The following GLRA2 variants were observed in gnomAD, a reference collection of about 807,000 sequenced individuals.
GLRA2 encodes glycine receptor subunit alpha-2.
A neutral mutation model predicts 31.6 loss-of-function variants in GLRA2; 11 were observed. The ratio of observed to expected loss-of-function variants is 0.35; its 90% CI spans 0.22 to 0.58. GLRA2 has a LOEUF of 0.58. Ranked by LOEUF, GLRA2 falls within the 20% of genes least tolerant of loss-of-function variation. The pLI, the probability that GLRA2 is intolerant of heterozygous loss-of-function variation, is 0.84. For synonymous variants in GLRA2, 132 were observed against 134.0 expected (o/e 0.99, Z 0.10); for missense variants, 212 against 351.8 (o/e 0.60, Z 3.18).
intron 7 of GLRA2, among the ~76,000 whole-genome samples, chrX:14,622,311 T>G (rs1457103150): frequency 8.9e-6 from 1 of 111,875 alleles, no homozygotes; most frequent in African/African-American, 3.2e-5. Context: ...ATTCTGTAGG[T>G]TTCCTGTTCA....
the GLRA2 span, among the ~76,000 whole-genome samples, chrX:14,483,987 C>T: frequency 2.7e-5 from 3 of 111,528 alleles, no homozygotes; most frequent in Non-Finnish European, 5.6e-5. Context: ...GAACATCAGA[C>T]TCCAAGTTCT....
At chrX:14,721,618 T>G (rs1357691865) in intron 8 of GLRA2, among the ~76,000 whole-genome samples, 1 of 111,449 alleles carries the variant, frequency 9.0e-6, no homozygotes, top group East Asian at 2.8e-4. Context: ...GCTTTAGATA[T>G]TTCTCAGGTT....
rs187701141 is a variant in GLRA2 at position 14,648,392 on chromosome X, G to A, written c.930+39187G>A. Among the ~76,000 whole-genome samples, 4 of 111,895 alleles carry A rather than the reference G, an allele frequency of 3.6e-5. No individual in the cohort carries two copies. The East Asian group carries it at 1.1e-3, about 31-fold the overall frequency. ...TTGAAATAAATCTTGAATAAACATA[G>A]ATCTAAATAAAGTAGCTAAAATTAT... On this transcript the variant is annotated intron_variant, in intron 7 of 8. Transcript: ENST00000218075.
At chrX:14,681,910 A>AAATATAT (rs758563376) in intron 7 of GLRA2, among the ~76,000 whole-genome samples, 20 of 41,278 alleles carry the variant, frequency 4.8e-4, no homozygotes, top group African/African-American at 2.3e-3. Flanking sequence ...AAAAAAAAAA[A>AAATATAT]ATATATATAT....
chrX:14,478,563 C>A, the GLRA2 span, among the ~76,000 whole-genome samples: 1 of 112,107 alleles, frequency 8.9e-6, no homozygotes, highest in South Asian at 3.7e-4. Flanking sequence ...TTCTAGTCAT[C>A]TGACAAGTGT....
chrX:14,582,072 T>TC (rs1217624813), intron 4 of GLRA2, among the ~76,000 whole-genome samples: 4 of 57,915 alleles, frequency 6.9e-5, no homozygotes, highest in African/African-American at 3.8e-4. Flanking sequence ...TTTTTTTCCA[T>TC]ATTTTTTTAT....
intron 7 of GLRA2, among the ~76,000 whole-genome samples, chrX:14,615,189 C>T (rs375482566): frequency 6.3e-5 from 7 of 111,751 alleles, no homozygotes; most frequent in African/African-American, 2.3e-4. Flanking sequence ...GTGTACCCAC[C>T]CCTCAGCACA....
chrX:14,451,380 C>G, the GLRA2 span, among the ~76,000 whole-genome samples: 2 of 110,786 alleles, frequency 1.8e-5, no homozygotes, highest in Admixed American at 1.9e-4. Flanking sequence ...TCTGTAATCT[C>G]ACCACTTTGG....
chrX:14,693,276 GTGGATAAAGA>G (rs2091390941), intron 8 of GLRA2, among the ~76,000 whole-genome samples: 1 of 112,012 alleles, frequency 8.9e-6, no homozygotes, highest in Non-Finnish European at 1.9e-5. Flanking sequence ...CAAAGTAACT[GTGGATAAAGA>G]TATCTCATGC....
At chrX:14,617,206 A>G in intron 7 of GLRA2, among the ~76,000 whole-genome samples, 1 of 111,176 alleles carries the variant, frequency 9.0e-6, no homozygotes, top group East Asian at 2.9e-4. Flanking sequence ...TTTCACTAAA[A>G]TGGGTAACTA....
the GLRA2 span, among the ~76,000 whole-genome samples, chrX:14,486,989 CAG>C: frequency 9.0e-6 from 1 of 110,649 alleles, no homozygotes. Context: ...AGGGATCAGA[CAG>C]AGACACTTGA....
At chrX:14,700,954 G>A (rs1320996627) in intron 8 of GLRA2, among the ~76,000 whole-genome samples, 1 of 110,046 alleles carries the variant, frequency 9.1e-6, no homozygotes, top group Non-Finnish European at 1.9e-5. Context: ...CCAGTAGAAG[G>A]TATTCCTTCT....
chrX:14,575,105 C>T (rs766051020), intron 3 of GLRA2, among the ~76,000 whole-genome samples: 1 of 110,204 alleles, frequency 9.1e-6, no homozygotes, highest in South Asian at 3.8e-4. Context: ...AAAAAAACCC[C>T]TAAACTTAAA....
At chrX:14,537,263 CA>C (rs2089338412) in intron 2 of GLRA2, among the ~76,000 whole-genome samples, 2 of 111,569 alleles carry the variant, frequency 1.8e-5, no homozygotes, top group African/African-American at 3.2e-5. Flanking sequence ...AAAAGATACA[CA>C]AAAGAGTGGA....
intron 2 of GLRA2, among the ~76,000 whole-genome samples, chrX:14,562,930 T>C (rs1317657026): frequency 9.0e-6 from 1 of 111,720 alleles, no homozygotes; most frequent in Non-Finnish European, 1.9e-5. Context: ...TAACTCAGGA[T>C]GGAAAGGCAG....
chrX:14,548,472 G>C (rs1055593827), intron 2 of GLRA2, among the ~76,000 whole-genome samples: 1 of 111,411 alleles, frequency 9.0e-6, no homozygotes, highest in African/African-American at 3.3e-5. Flanking sequence ...CATGTATCAC[G>C]CATTTATTAT....
At chrX:14,463,308 G>T in the GLRA2 span, among the ~76,000 whole-genome samples, 4 of 111,629 alleles carry the variant, frequency 3.6e-5, no homozygotes, top group Admixed American at 1.9e-4. Context: ...ACGGGGTCAG[G>T]GACCCACTTG....
In GLRA2 at chrX:14,689,726, T is replaced by C. The variant is rs187893592; in HGVS notation, c.931-984T>C. ...AATATAGGAAACTCTATTTAAAAATTAGAACTGAATAGTACACATTCAGAT... is the reference window on the plus strand; with the variant it reads ...AATATAGGAAACTCTATTTAAAAATCAGAACTGAATAGTACACATTCAGAT... On this transcript the variant is annotated intron_variant, in intron 7 of 8. Coordinates refer to ENST00000218075, the MANE Select transcript of GLRA2 (RefSeq NM_002063.4). Among the ~76,000 whole-genome samples, 13 of 112,077 alleles carry C rather than the reference T, an allele frequency of 1.2e-4. No individual in the cohort carries two copies. In the East Asian group the frequency reaches 3.6e-3, roughly 31 times the overall value.
At chrX:14,509,726 A>G in the GLRA2 span, among the ~76,000 whole-genome samples, 1 of 112,515 alleles carries the variant, frequency 8.9e-6, no homozygotes, top group Non-Finnish European at 1.9e-5. Flanking sequence ...TTTCAAATCC[A>G]GCTCCTAACT....
Sources: allele counts gnomAD v4.1 joint callset (sites outside exome capture counted in the v4.1 genomes callset), GRCh38; gene constraint gnomAD v4.1.1; transcripts MANE v1.5; gene names NCBI Gene and HGNC (gene_info 2026-07-23, HGNC 2026-07-21).